CCDC62: variants seen among roughly 807,000 people sequenced by gnomAD.
The protein encoded by CCDC62 is coiled-coil domain-containing protein 62.
In CCDC62, 72 loss-of-function variants were observed where a neutral mutation model predicts 80.8. The ratio of observed to expected loss-of-function variants is 0.89; its 90% CI spans 0.74 to 1.08. The LOEUF (loss-of-function observed/expected upper bound fraction) is 1.08. Among genes scored for constraint, CCDC62 ranks in the 50% least tolerant of loss-of-function variants. The probability of loss-of-function intolerance (pLI) is 0.00; values close to 1 mark genes in which losing one functional copy is unlikely to be tolerated. For synonymous variants in CCDC62, 286 were observed against 296.5 expected (o/e 0.96, Z 0.36); for missense variants, 704 against 809.4 (o/e 0.87, Z 1.58).
intron 5 of CCDC62, among the ~76,000 whole-genome samples, 176 bp from the exon 6 acceptor site, chr12:122,791,844 G>A (rs1593794331): frequency 6.6e-6 from 1 of 152,362 alleles, no homozygotes; most frequent in East Asian, 1.9e-4. Flanking sequence ...AGCAAGCGAA[G>A]CCTCCAACCA....
intron 2 of CCDC62, among the ~76,000 whole-genome samples, chr12:122,779,119 A>T (rs758795613): frequency 6.6e-6 from 1 of 152,262 alleles, no homozygotes; most frequent in Non-Finnish European, 1.5e-5. Flanking sequence ...TTTTAAAATG[A>T]GCAAGATTTG....
intron 11 of CCDC62, among the ~76,000 whole-genome samples, chr12:122,820,061 CAAAAA>C (rs34620795): frequency 1.2e-4 from 7 of 58,122 alleles, no homozygotes; most frequent in Admixed American, 2.7e-4. Context: ...GATCCTGTCT[CAAAAA>C]AAAAAAAAAA....
chr12:122,783,384 C>T (rs368023674), intron 3 of CCDC62, among the ~76,000 whole-genome samples: 10 of 151,784 alleles, frequency 6.6e-5, no homozygotes, highest in South Asian at 2.1e-4. Flanking sequence ...CCCGCCACCA[C>T]GCCCGGCTAA....
chr12:122,809,012 T>C (rs3844369), intron 10 of CCDC62, among the ~76,000 whole-genome samples: 128,254 of 152,204 alleles, frequency 0.84, 55,297 homozygotes, highest in East Asian at 0.99. Context: ...TGACTAACAA[T>C]GTTGTGCACC....
chr12:122,802,838 TTAACA>T (rs2031387597), intron 9 of CCDC62, among the ~76,000 whole-genome samples: 1 of 151,804 alleles, frequency 6.6e-6, no homozygotes, highest in Admixed American at 6.6e-5. Flanking sequence ...ACTAGCCTGG[TTAACA>T]TAGTGAGGCT....
intron 6 of CCDC62, among the ~76,000 whole-genome samples, chr12:122,797,076 C>T (rs1335386657): frequency 1.3e-5 from 2 of 151,972 alleles, no homozygotes; most frequent in East Asian, 3.9e-4. Context: ...TGGGGTTTCA[C>T]CATGTTGGCC....
At position 122,826,541 on chromosome 12, in the gene CCDC62, A is replaced by G; in HGVS notation, c.*160A>G. 3 of 705,466 alleles carry G rather than the reference A, an allele frequency of 4.3e-6. No homozygotes were observed. The highest frequency in any genetic ancestry group is 7.8e-6 in the Non-Finnish European group (3 of 383,696). 43.7% of individuals were successfully genotyped at this position (705,466 alleles called of 1,614,324 possible). ...GCACTTAATTCCAGCTGGGAGCAGA[A>G]CTAGAAAGTTAATTTTTAAACATCT... On this transcript the variant is annotated 3_prime_UTR_variant, in exon 13 of 13. Transcript: ENST00000253079.
intron 11 of CCDC62, among the ~76,000 whole-genome samples, chr12:122,821,347 G>A (rs955668002): frequency 3.3e-5 from 5 of 152,154 alleles, no homozygotes; most frequent in Non-Finnish European, 7.3e-5. Flanking sequence ...AGAGACAAAG[G>A]GGACCCCACA....
Position 122,798,298 on chromosome 12 carries a change from C to T in CCDC62, c.977+98C>T, listed in dbSNP as rs1304145571. 7.3e-6 allele frequency: 5 copies of T among 684,436 alleles called. No homozygotes were observed. The Admixed American group carries it at 1.4e-4, about 19-fold the overall frequency. The allele number at this position is 684,436 out of a possible 1,614,324, so 42.4% of individuals were successfully genotyped here. A position where few individuals can be genotyped will look rare whatever the true frequency, so the allele number is the denominator to read the frequency against. On this transcript the variant is annotated intron_variant, in intron 8 of 12. Transcript: ENST00000253079. ...TGTTGGCCAGTACTGACTACTATTC[C>T]CCATATGGTAGGAAATAAATGTGGC...
At chr12:122,788,674 C>A in intron 4 of CCDC62, 84 bp from the exon 5 acceptor site, 1 of 853,314 alleles carries the variant, frequency 1.2e-6, no homozygotes, top group Non-Finnish European at 1.8e-6. Context: ...ACCTGGCACA[C>A]GATAAGATCT....
intron 3 of CCDC62, among the ~76,000 whole-genome samples, chr12:122,784,533 A>G (rs1025945486): frequency 6.6e-6 from 1 of 151,796 alleles, no homozygotes; most frequent in African/African-American, 2.4e-5. Flanking sequence ...AATAATGATA[A>G]TAATAATAAT....
At position 122,827,096 on chromosome 12, in the gene CCDC62, C is replaced by A. The variant is rs1266656513; in HGVS notation, c.*715C>A. The A allele has an allele frequency of 6.6e-6, 1 of 152,172 alleles. No individual in the cohort carries two copies. The highest frequency in any genetic ancestry group is 2.4e-5 in the African/African-American group (1 of 41,442). The allele number at this position is 152,172 out of a possible 1,614,324, so 9.4% of individuals were successfully genotyped here. ...AAAATCTTAAAGACTAAAACACTTC[C>A]ATTTTAACTTGTAAAGTAATTTAAT... On this transcript the variant is annotated 3_prime_UTR_variant, in exon 13 of 13. Coordinates refer to ENST00000253079, the MANE Select transcript of CCDC62 (RefSeq NM_201435.5).
chr12:122,815,636 A>G (rs974348511), intron 11 of CCDC62, among the ~76,000 whole-genome samples: 2 of 151,222 alleles, frequency 1.3e-5, no homozygotes, highest in African/African-American at 4.9e-5. Flanking sequence ...TTTGGTAGAG[A>G]CGGGCTTTCA....
intron 10 of CCDC62, among the ~76,000 whole-genome samples, chr12:122,808,451 T>C (rs1175600347): frequency 1.3e-5 from 2 of 152,196 alleles, no homozygotes; most frequent in Non-Finnish European, 2.9e-5. Flanking sequence ...CATAAGTCTT[T>C]GTATAGACAC....
intron 9 of CCDC62, among the ~76,000 whole-genome samples, chr12:122,803,657 G>T (rs1477220025): frequency 6.6e-6 from 1 of 152,082 alleles, no homozygotes; most frequent in South Asian, 2.1e-4. Flanking sequence ...TTAGAAACTT[G>T]AATTGTTTAA....
intron 9 of CCDC62, among the ~76,000 whole-genome samples, chr12:122,805,576 G>A (rs1487673901): frequency 1.4e-5 from 2 of 141,334 alleles, no homozygotes; most frequent in Non-Finnish European, 3.0e-5. Flanking sequence ...GTGCAGTGGC[G>A]CGATCTCAGC....
intron 2 of CCDC62, 151 bp from the exon 3 acceptor site, chr12:122,781,013 T>G: frequency 5.0e-6 from 3 of 604,814 alleles, no homozygotes; most frequent in Non-Finnish European, 5.7e-6. Context: ...TGATTAGGTG[T>G]GATATTGTGC....
At position 122,801,263 on chromosome 12, in the gene CCDC62, T is replaced by C; in HGVS notation, c.1117T>C (p.Cys373Arg). 1.2e-6 allele frequency: 2 copies of C among 1,614,162 alleles called. No individual in the cohort carries two copies. The highest frequency in any genetic ancestry group is 1.7e-6 in the Non-Finnish European group (2 of 1,180,040). ...GCAAAATAGGTCAGACAAGAGCTCT[T>C]GCGATGAATGCAAAGAGAAGAAACA... ...VQQNRSDKSS[C>R]DECKEKKQQI... The change falls in exon 9 of 13, where the codon TGC becomes CGC. Residue 373 changes from cysteine (C) to arginine (R), a missense_variant. Transcript: ENST00000253079.
chr12:122,777,288 A>G (rs1360438102), intron 1 of CCDC62: 1 of 510,952 alleles, frequency 2.0e-6, no homozygotes, highest in Non-Finnish European at 3.5e-6. Flanking sequence ...ATGACAGAAA[A>G]TTGTAGAGAG....
Sources: allele counts gnomAD v4.1 joint callset (sites outside exome capture counted in the v4.1 genomes callset), GRCh38; gene constraint gnomAD v4.1.1; transcripts MANE v1.5; gene names NCBI Gene and HGNC (gene_info 2026-07-23, HGNC 2026-07-21).